Variants in GLRA2 observed in about 807,000 individuals in gnomAD.
GLRA2 encodes the protein glycine receptor alpha 2, also known as glycine receptor subunit alpha-2.
In GLRA2, 11 loss-of-function variants were observed where a neutral mutation model predicts 31.6. That is an observed-to-expected ratio of 0.35 (90% CI 0.22 to 0.58). The LOEUF is 0.58. Among genes scored for constraint, GLRA2 ranks in the 20% least tolerant of loss-of-function variants. The pLI, the probability that GLRA2 is intolerant of heterozygous loss-of-function variation, is 0.84. For missense variants in GLRA2, 212 were observed against 351.8 expected, an observed-to-expected ratio of 0.60 and a Z score of 3.18; for synonymous variants, 132 against 134.0, an observed-to-expected ratio of 0.99 and a Z score of 0.10.
the GLRA2 span, among the ~76,000 whole-genome samples, chrX:14,493,069 A>C: frequency 9.0e-6 from 1 of 111,413 alleles, no homozygotes; most frequent in Non-Finnish European, 1.9e-5. Flanking sequence ...TAAAGGCCCT[A>C]CATCTAAATA....
At chrX:14,521,585 T>C in the GLRA2 span, among the ~76,000 whole-genome samples, 1 of 111,328 alleles carries the variant, frequency 9.0e-6, no homozygotes, top group African/African-American at 3.3e-5. Flanking sequence ...AGCTTGCAGA[T>C]GGTCCAGCTT....
At chrX:14,484,047 GCCTATGTGGGA>G in the GLRA2 span, among the ~76,000 whole-genome samples, 1 of 111,386 alleles carries the variant, frequency 9.0e-6, no homozygotes, top group Non-Finnish European at 1.9e-5. Flanking sequence ...CCTGCAGACG[GCCTATGTGGGA>G]CCTTGTGATC....
At chrX:14,680,578 C>A (rs1303047918) in intron 7 of GLRA2, among the ~76,000 whole-genome samples, 1 of 111,850 alleles carries the variant, frequency 8.9e-6, no homozygotes, top group Non-Finnish European at 1.9e-5. Context: ...AATCTGACAT[C>A]AGAGCTGGGT....
chrX:14,694,902 G>C (rs2091419690), intron 8 of GLRA2, among the ~76,000 whole-genome samples: 1 of 111,844 alleles, frequency 8.9e-6, no homozygotes, highest in Admixed American at 9.5e-5. Context: ...TAAGCAACTG[G>C]GTAAGTAGTG....
At chrX:14,494,887 C>A in the GLRA2 span, among the ~76,000 whole-genome samples, 1 of 111,588 alleles carries the variant, frequency 9.0e-6, no homozygotes, top group Non-Finnish European at 1.9e-5. Flanking sequence ...TTTAAAAATT[C>A]CCAGATGTTC....
intron 2 of GLRA2, among the ~76,000 whole-genome samples, chrX:14,547,391 A>G (rs771572599): frequency 1.5e-4 from 17 of 111,150 alleles, no homozygotes; most frequent in Non-Finnish European, 3.0e-4. Flanking sequence ...TTTTTGGATA[A>G]AGTGCTTGCA....
At chrX:14,685,800 G>A (rs2091270298) in intron 7 of GLRA2, among the ~76,000 whole-genome samples, 1 of 111,647 alleles carries the variant, frequency 9.0e-6, no homozygotes, top group East Asian at 2.8e-4. Flanking sequence ...GGTTTTTTGT[G>A]TCTCTATCTC....
intron 4 of GLRA2, among the ~76,000 whole-genome samples, chrX:14,593,205 TG>T (rs2090163034): frequency 1.8e-5 from 2 of 111,767 alleles, no homozygotes; most frequent in Non-Finnish European, 3.8e-5. Context: ...TATTTTAAAA[TG>T]GAAAAAAAAA....
intron 1 of GLRA2, among the ~76,000 whole-genome samples, chrX:14,532,025 G>A (rs957187466): frequency 1.8e-5 from 2 of 111,794 alleles, no homozygotes; most frequent in Non-Finnish European, 3.8e-5. Flanking sequence ...AAACCTGGGT[G>A]ACGCGACTCA....
In GLRA2 at chrX:14,730,393, C is replaced by T; in HGVS notation, c.1267C>T (p.Arg423Ter). The T allele has an allele frequency of 8.3e-7, 1 of 1,204,656 alleles. No individual in the cohort carries two copies. The highest frequency in any genetic ancestry group is 1.1e-6 in the Non-Finnish European group (1 of 889,535). The change falls in exon 9 of 9, where the codon CGA (arginine) becomes TGA (stop). Residue 423 changes from arginine (R) to a stop codon, truncating the protein, a stop_gained. Coordinates refer to ENST00000218075, the MANE Select transcript of GLRA2 (RefSeq NM_002063.4). LOFTEE classifies it high-confidence loss of function. ...DRAKRIDTIS[R>*]AAFPLAFLIF... ...GGCAAAAAGGATTGACACGATATCT[C>T]GAGCTGCCTTCCCATTGGCCTTCCT... is the stretch of plus-strand genomic sequence containing the variant.
At chrX:14,668,169 T>C (rs1025842615) in intron 7 of GLRA2, among the ~76,000 whole-genome samples, 1 of 112,263 alleles carries the variant, frequency 8.9e-6, no homozygotes, top group African/African-American at 3.2e-5. Context: ...GGCTGAATGC[T>C]ACCCTCAGTT....
chrX:14,640,097 A>T (rs1217364858), intron 7 of GLRA2, among the ~76,000 whole-genome samples: 1 of 111,649 alleles, frequency 9.0e-6, no homozygotes, highest in Non-Finnish European at 1.9e-5. Context: ...ATGTGGATAC[A>T]CATTTTAAAT....
In GLRA2 at chrX:14,666,040, T is replaced by C. The variant is rs1315581179; in HGVS notation, c.931-24670T>C. The stretch of plus-strand genomic sequence containing the variant: ...ATATTAACTTTTTGAAAAATTAGTT[T>C]ATCCTACACAAAATACATAATAATT... On this transcript the variant is annotated intron_variant, in intron 7 of 8. Coordinates refer to ENST00000218075, the MANE Select transcript of GLRA2 (RefSeq NM_002063.4). 3.9e-5 allele frequency among the ~76,000 whole-genome samples: 4 copies of C among 102,984 alleles called. No homozygotes were observed. In the Admixed American group the frequency reaches 4.1e-4, roughly 10 times the overall value. 89.4% of individuals were successfully genotyped at this position (102,984 alleles called of 115,157 possible).
intron 4 of GLRA2, among the ~76,000 whole-genome samples, chrX:14,597,817 G>A (rs1033025611): frequency 9.0e-6 from 1 of 111,702 alleles, no homozygotes; most frequent in African/African-American, 3.3e-5. Flanking sequence ...TTGCTTAGTG[G>A]TTTTATGACT....
intron 8 of GLRA2, among the ~76,000 whole-genome samples, chrX:14,701,961 A>AAGT (rs893969167): frequency 8.9e-6 from 1 of 112,214 alleles, no homozygotes; most frequent in African/African-American, 3.2e-5. Context: ...GGAAAGGTTT[A>AAGT]AGTGCATGAT....
the GLRA2 span, among the ~76,000 whole-genome samples, chrX:14,474,750 C>T: frequency 9.3e-6 from 1 of 107,204 alleles, no homozygotes; most frequent in Non-Finnish European, 1.9e-5. Flanking sequence ...ATGACTGGGG[C>T]CTCTCCCCTT....
At chrX:14,597,202 G>C (rs976257784) in intron 4 of GLRA2, among the ~76,000 whole-genome samples, 7 of 111,463 alleles carry the variant, frequency 6.3e-5, no homozygotes, top group Non-Finnish European at 1.3e-4. Flanking sequence ...GGATCAACAT[G>C]GTACAGGAAG....
chrX:14,670,074 T>C (rs973190907), intron 7 of GLRA2, among the ~76,000 whole-genome samples: 2 of 111,932 alleles, frequency 1.8e-5, no homozygotes, highest in African/African-American at 6.5e-5. Context: ...AAATCATCTC[T>C]CTCAAGTTCA....
At chrX:14,545,233 A>G (rs1282861246) in intron 2 of GLRA2, among the ~76,000 whole-genome samples, 1 of 111,429 alleles carries the variant, frequency 9.0e-6, no homozygotes. Flanking sequence ...ACAGTTCTGG[A>G]GGCTTGGGAG....
Sources: gnomAD v4.1 joint callset for allele counts (sites outside exome capture counted in the v4.1 genomes callset) on GRCh38, gnomAD v4.1.1 for gene constraint, MANE v1.5 for transcripts, NCBI Gene and HGNC (gene_info 2026-07-23, HGNC 2026-07-21) for gene names.